The following ARHGAP12 variants were observed in gnomAD, a reference collection of about 807,000 sequenced individuals.
The protein encoded by ARHGAP12 is Rho GTPase activating protein 12, also known as rho GTPase-activating protein 12.
Under a neutral mutation model 108.6 loss-of-function variants are expected in ARHGAP12, and 64 were observed. The observed-to-expected ratio is 0.59, with a 90% CI of 0.48 to 0.73. The LOEUF (loss-of-function observed/expected upper bound fraction) is 0.73, where lower values mean the gene tolerates loss of function less well. Among genes scored for constraint, ARHGAP12 ranks in the 30% least tolerant of loss-of-function variants. The pLI, the probability that ARHGAP12 is intolerant of heterozygous loss-of-function variation, is 0.00. For synonymous variants in ARHGAP12, 312 were observed against 337.2 expected, an observed-to-expected ratio of 0.93 and a Z score of 0.82; for missense variants, 940 against 1,005.9, an observed-to-expected ratio of 0.93 and a Z score of 0.89.
In ARHGAP12 at chr10:31,857,749, A is replaced by G. The variant is rs190164308; in HGVS notation, c.949-3543T>C. ...TTTCAGCATCAACAATGGAAGCCGG[A>G]AAATATGAGAATAAAATCTTCAATG... On this transcript the variant is annotated intron_variant, in intron 4 of 19. Transcript: ENST00000344936. 2.4e-3 allele frequency among the ~76,000 whole-genome samples: 366 copies of G among 152,376 alleles called. 3 individuals are homozygous for G. The highest frequency in any genetic ancestry group is 8.4e-3 in the African/African-American group (349 of 41,588).
chr10:31,825,620 C>G (rs1835575809), intron 11 of ARHGAP12, among the ~76,000 whole-genome samples: 1 of 152,108 alleles, frequency 6.6e-6, no homozygotes, highest in African/African-American at 2.4e-5. Flanking sequence ...AGGGCGAAAT[C>G]AGAGCAATAG....
chr10:31,817,201 TGTTTCAAAAAA>T (rs971594341), intron 13 of ARHGAP12, among the ~76,000 whole-genome samples: 4 of 151,912 alleles, frequency 2.6e-5, no homozygotes, highest in Non-Finnish European at 5.9e-5. Flanking sequence ...GGCGAGACTC[TGTTTCAAAAAA>T]AAAAAGTACA....
At chr10:31,833,403 A>G (rs1835903674) in intron 9 of ARHGAP12, among the ~76,000 whole-genome samples, 1 of 152,132 alleles carries the variant, frequency 6.6e-6, no homozygotes, top group African/African-American at 2.4e-5. Context: ...TGGATGGCAT[A>G]GCAGTAGTGA....
intron 3 of ARHGAP12, among the ~76,000 whole-genome samples, chr10:31,874,973 C>CAAAAAAAAAAAAAA (rs59050160): frequency 1.7e-5 from 1 of 58,312 alleles, no homozygotes; most frequent in Non-Finnish European, 3.0e-5. Flanking sequence ...GACTCTGTCT[C>CAAAAAAAAAAAAAA]AAAAAAAAAA....
At position 31,809,082 on chromosome 10, in the gene ARHGAP12, G is replaced by T; in HGVS notation, c.2175C>A (p.Val725=). ...AAAACATTTTGAGGGCTCCAGTAAT[G>T]ACATGAATATCTTCCCATTTACTGT... ...LNDSKWEDIH[V]ITGALKMFFR... is the part of the protein sequence containing the mutation. The change falls in exon 18 of 20, where the codon GTC becomes GTA. Residue 725 remains valine, a synonymous_variant. Coordinates refer to ENST00000344936, the MANE Select transcript of ARHGAP12 (RefSeq NM_018287.7). 1.2e-6 allele frequency: 2 copies of T among 1,613,184 alleles called. No individual in the cohort carries two copies. Among genetic ancestry groups the T allele is most frequent in the Non-Finnish European group, 8.5e-7 (1 of 1,179,460 alleles).
At chr10:31,854,575 G>A (rs374113825) in intron 4 of ARHGAP12, among the ~76,000 whole-genome samples, 2 of 152,286 alleles carry the variant, frequency 1.3e-5, no homozygotes, top group South Asian at 2.1e-4. Context: ...CAAGGGAGGA[G>A]ACGAGGGAAC....
intron 12 of ARHGAP12, 79 bp downstream of exon 12, chr10:31,820,308 T>C (rs745662309): frequency 1.7e-6 from 2 of 1,167,188 alleles, no homozygotes; most frequent in Non-Finnish European, 2.4e-6. Context: ...TGAAAGACTA[T>C]TTCCCAAAAT....
chr10:31,817,850 A>T lies in ARHGAP12; in HGVS notation c.1669T>A (p.Ser557Thr), dbSNP rs763819297. The T allele has an allele frequency of 2.5e-6, 4 of 1,612,726 alleles. No individual in the cohort carries two copies. Among genetic ancestry groups the T allele is most frequent in the Admixed American group, 3.3e-5 (2 of 59,774 alleles). Residue 557 changes from serine (S) to threonine (T), a missense_variant, in exon 13 of 20, where the codon TCT (serine) becomes ACT (threonine). Ser to Thr is a moderately conservative substitution (Grantham distance 58, BLOSUM62 1). Coordinates refer to ENST00000344936, the MANE Select transcript of ARHGAP12 (RefSeq NM_018287.7). The part of the protein sequence containing the change: ...TRQGTELLIQ[S>T]DNDTVINDWF... ...TCATTAATAACAGTGTCATTGTCAG[A>T]CTGAATTAGCAGTTCTGTTCCTTGA...
At chr10:31,909,063 T>A (rs1839251793) in intron 2 of ARHGAP12, 137 bp from the exon 3 acceptor site, 4 of 542,122 alleles carry the variant, frequency 7.4e-6, no homozygotes, top group Non-Finnish European at 9.6e-6. Context: ...AAAGCAAACA[T>A]GTGTCTACTA....
chr10:31,876,553 A>AAG (rs1837741594), intron 3 of ARHGAP12, among the ~76,000 whole-genome samples: 1 of 151,652 alleles, frequency 6.6e-6, no homozygotes, highest in Admixed American at 6.6e-5. Flanking sequence ...CACCAAAAAA[A>AAG]AAAAAAACCC....
chr10:31,916,866 T>C (rs965317990), intron 1 of ARHGAP12, among the ~76,000 whole-genome samples: 11 of 151,954 alleles, frequency 7.2e-5, no homozygotes, highest in Non-Finnish European at 1.0e-4. Flanking sequence ...CCGCCCGCCT[T>C]GGCCTCCCAA....
At position 31,826,327 on chromosome 10, in the gene ARHGAP12, T is replaced by A. The variant is rs1436488170; in HGVS notation, c.1507A>T (p.Thr503Ser). 6.2e-7 allele frequency: 1 copy of A among 1,611,926 alleles called. No individual in the cohort carries two copies. ...ACCCAACTTGTGCTACTTCCTTGAG[T>A]TTTGGTAAAAAGTAAAGATGAACCC... is the stretch of plus-strand genomic sequence containing the variant. ...LQGSSLLFTK[T>S]QGSSTSWFGS... The change falls in exon 11 of 20, where the codon ACT (threonine) becomes TCT (serine). Residue 503 changes from threonine to serine, a missense_variant. Coordinates refer to ENST00000344936, the MANE Select transcript of ARHGAP12 (RefSeq NM_018287.7).
chr10:31,822,707 G>A (rs370967433), intron 11 of ARHGAP12, among the ~76,000 whole-genome samples: 7 of 152,140 alleles, frequency 4.6e-5, no homozygotes, highest in African/African-American at 1.7e-4. Context: ...GACCTGCTGA[G>A]TAGTATCTTC....
chr10:31,825,863 T>C (rs1021028182), intron 11 of ARHGAP12, among the ~76,000 whole-genome samples: 6 of 152,184 alleles, frequency 3.9e-5, no homozygotes, highest in African/African-American at 1.4e-4. Flanking sequence ...GAAAGCTGGC[T>C]GACAATCCAG....
chr10:31,901,583 G>A (rs1451251538), intron 3 of ARHGAP12, among the ~76,000 whole-genome samples: 1 of 148,572 alleles, frequency 6.7e-6, no homozygotes, highest in African/African-American at 2.5e-5. Flanking sequence ...TCTTAAACCA[G>A]GATGAAGGAA....
chr10:31,871,670 C>T (rs529154088), intron 3 of ARHGAP12, among the ~76,000 whole-genome samples: 1 of 152,192 alleles, frequency 6.6e-6, no homozygotes, highest in Non-Finnish European at 1.5e-5. Context: ...CTGCTACTAA[C>T]CCTCAATAAC....
intron 4 of ARHGAP12, among the ~76,000 whole-genome samples, chr10:31,855,374 C>G (rs1836850320): frequency 6.6e-6 from 1 of 152,096 alleles, no homozygotes; most frequent in Non-Finnish European, 1.5e-5. Flanking sequence ...TTCCTATCAC[C>G]TCTAGATAAA....
chr10:31,852,602 A>G lies in ARHGAP12; in HGVS notation c.1090-5T>C, dbSNP rs755200108. 6.2e-7 allele frequency: 1 copy of G among 1,604,638 alleles called. No individual in the cohort carries two copies. The highest frequency in any genetic ancestry group is 1.1e-5 in the South Asian group (1 of 90,778). On this transcript the variant is annotated splice_region_variant and splice_polypyrimidine_tract_variant and intron_variant, in intron 5 of 19. Transcript: ENST00000344936. ...ATCATCAACATGCTTGAGCCACTATAAAAACAGAACAGGTGTTTTTTATTA... is the reference window on the plus strand; with the variant it reads ...ATCATCAACATGCTTGAGCCACTATGAAAACAGAACAGGTGTTTTTTATTA...
chr10:31,867,288 G>T (rs1837364393), intron 3 of ARHGAP12, among the ~76,000 whole-genome samples: 1 of 151,916 alleles, frequency 6.6e-6, no homozygotes, highest in African/African-American at 2.4e-5. Context: ...TATGAGAAAA[G>T]AATAGACGAG....
Sources: gnomAD v4.1 joint callset for allele counts (sites outside exome capture counted in the v4.1 genomes callset) on GRCh38, gnomAD v4.1.1 for gene constraint, MANE v1.5 for transcripts, NCBI Gene and HGNC (gene_info 2026-07-23, HGNC 2026-07-21) for gene names.